The following LTBR variants were observed in gnomAD, a reference collection of about 807,000 sequenced individuals.
LTBR encodes the protein tumor necrosis factor receptor superfamily member 3.
Under a neutral mutation model 45.4 loss-of-function variants are expected in LTBR, and 15 were observed. That is an observed-to-expected ratio of 0.33 (90% CI 0.22 to 0.51). LTBR has a LOEUF of 0.51. Among genes scored for constraint, LTBR ranks in the 20% least tolerant of loss-of-function variants. The probability of loss-of-function intolerance (pLI) is 0.97; values close to 1 mark genes in which losing one functional copy is unlikely to be tolerated. For missense variants in LTBR, 450 were observed against 565.5 expected, an observed-to-expected ratio of 0.80 and a Z score of 2.07; for synonymous variants, 228 against 231.0, an observed-to-expected ratio of 0.99 and a Z score of 0.12.
rs3075360 is a variant in LTBR, at chr12:6,386,604, TACACACACACACAC to T, written c.667+179_667+192del. 8 of 546,540 alleles carry T rather than the reference TACACACACACACAC, an allele frequency of 1.5e-5. No individual in the cohort carries two copies. Among genetic ancestry groups the T allele is most frequent in the Non-Finnish European group, 2.3e-5 (7 of 302,818 alleles). The allele number at this position is 546,540 out of a possible 1,614,324, so 33.9% of individuals were successfully genotyped here. A position where few individuals can be genotyped will look rare whatever the true frequency, so the allele number is the denominator to read the frequency against. Reference sequence around the variant, plus strand: ...AAATTGGAGTATCTCTAGGCTAGTTTACACACACACACACACACACACACACACACACTTTTAAA... The same window carrying T: ...AAATTGGAGTATCTCTAGGCTAGTTTACACACACACACACACACTTTTAAA... On this transcript the variant is annotated intron_variant, in intron 6 of 9. Coordinates refer to ENST00000228918, the MANE Select transcript of LTBR (RefSeq NM_002342.3). This position sits in a 1 kb window ranked among gnomAD's most constrained non-coding sequence, Gnocchi z 4.1.
chr12:6,378,333 G>T (rs1354677835), intron 1 of LTBR, among the ~76,000 whole-genome samples: 1 of 151,992 alleles, frequency 6.6e-6, no homozygotes, highest in Non-Finnish European at 1.5e-5. Context: ...TATCCTCTAG[G>T]CTGGAGTACA....
At position 6,384,214 on chromosome 12, in the gene LTBR, C is replaced by T. The variant is rs2136926624; in HGVS notation, c.-145C>T. ...GAGCCCTGGAGGCCCGGCCTGGCCG[C>T]TCCCGGCCCTGGGGTGCACATCGGC... On this transcript the variant is annotated 5_prime_UTR_variant, in exon 1 of 10. Transcript: ENST00000228918. 1.5e-6 allele frequency: 2 copies of T among 1,322,034 alleles called. No homozygotes were observed. The highest frequency in any genetic ancestry group is 2.8e-4 in the Middle Eastern group (1 of 3,524). The allele number at this position is 1,322,034 out of a possible 1,614,324, so 81.9% of individuals were successfully genotyped here.
chr12:6,384,256 G>C lies in LTBR; in HGVS notation c.-103G>C. ...CACATCGGCCCTGAGTCCCGTCCCA[G>C]GCTCTGGGCTCGGGCAGCCGCCGCC... is the stretch of plus-strand genomic sequence containing the variant. On this transcript the variant is annotated 5_prime_UTR_variant, in exon 1 of 10. Transcript: ENST00000228918. 2 of 1,412,448 alleles carry C rather than the reference G, an allele frequency of 1.4e-6. No individual in the cohort carries two copies. The highest frequency in any genetic ancestry group is 1.8e-6 in the Non-Finnish European group (2 of 1,088,756). 87.5% of individuals were successfully genotyped at this position (1,412,448 alleles called of 1,614,324 possible).
chr12:6,390,503 C>T (rs1949100851), intron 9 of LTBR, among the ~76,000 whole-genome samples, 157 bp from the exon 10 acceptor site: 1 of 151,908 alleles, frequency 6.6e-6, no homozygotes, highest in Admixed American at 6.6e-5. Context: ...ACTGGAAAAC[C>T]CAGAAGCAGA....
chr12:6,385,435 A>C, intron 4 of LTBR, 56 bp downstream of exon 4: 119 of 1,592,218 alleles, frequency 7.5e-5, no homozygotes, highest in Middle Eastern at 1.8e-4. Flanking sequence ...CAGGGATCTC[A>C]AGTGGGAGCA....
chr12:6,379,699 G>C (rs1230870811), upstream of LTBR, among the ~76,000 whole-genome samples: 1 of 152,140 alleles, frequency 6.6e-6, no homozygotes, highest in Non-Finnish European at 1.5e-5. Context: ...GGGAGGCCGA[G>C]GCGGGTGGAT....
chr12:6,378,213 A>G (rs1396740233), intron 1 of LTBR, among the ~76,000 whole-genome samples: 3 of 119,926 alleles, frequency 2.5e-5, no homozygotes, highest in Non-Finnish European at 5.0e-5. Flanking sequence ...ATTTTTAAAA[A>G]ACAAAATATA....
At chr12:6,385,981 T>C in intron 4 of LTBR, 85 bp from the exon 5 acceptor site, 2 of 889,900 alleles carry the variant, frequency 2.2e-6, no homozygotes, top group South Asian at 2.7e-5. Flanking sequence ...ATGGGCATCC[T>C]GAGGCTTAAA....
At chr12:6,379,806 G>A (rs1285563680), upstream of LTBR, among the ~76,000 whole-genome samples, 5 of 151,884 alleles carry the variant, frequency 3.3e-5, no homozygotes, top group Non-Finnish European at 5.9e-5. Context: ...AGTGGTGCAC[G>A]CCTGTAGTCC....
intron 8 of LTBR, chr12:6,389,787 A>T (rs140412138): frequency 1.5e-3 from 302 of 205,972 alleles, no homozygotes; most frequent in South Asian, 3.6e-3. Flanking sequence ...TGGGTGACAG[A>T]GTGAGACTCT....
intron 1 of LTBR, chr12:6,376,309 C>T (rs1948908030): frequency 1.1e-5 from 4 of 377,108 alleles, no homozygotes; most frequent in Non-Finnish European, 1.5e-5. Flanking sequence ...GGGGGCTAGG[C>T]GGGGCCCTAG....
upstream of LTBR, chr12:6,375,252 T>G (rs1175753117): frequency 7.0e-7 from 1 of 1,437,052 alleles, no homozygotes; most frequent in African/African-American, 1.4e-5. Context: ...GCTCTCCTCT[T>G]TCTGGCCTGC....
chr12:6,381,198 C>G (rs780866960), upstream of LTBR, among the ~76,000 whole-genome samples: 103 of 152,174 alleles, frequency 6.8e-4, no homozygotes, highest in Non-Finnish European at 1.2e-3. Flanking sequence ...CAGCTACCAT[C>G]TCTAGGCCTG....
In LTBR at chr12:6,384,229, T is replaced by G; in HGVS notation, c.-130T>G. Reference sequence around the variant, plus strand: ...GGCCTGGCCGCTCCCGGCCCTGGGGTGCACATCGGCCCTGAGTCCCGTCCC... The same window carrying G: ...GGCCTGGCCGCTCCCGGCCCTGGGGGGCACATCGGCCCTGAGTCCCGTCCC... On this transcript the variant is annotated 5_prime_UTR_variant, in exon 1 of 10. Coordinates refer to ENST00000228918, the MANE Select transcript of LTBR (RefSeq NM_002342.3). The G allele has an allele frequency of 7.4e-7, 1 of 1,360,228 alleles. No homozygotes were observed. The highest frequency in any genetic ancestry group is 9.4e-7 in the Non-Finnish European group (1 of 1,061,622). The allele number at this position is 1,360,228 out of a possible 1,614,324, so 84.3% of individuals were successfully genotyped here.
rs547084894 is a variant in LTBR at position 6,391,506 on chromosome 12, G to T, written c.*569G>T. 2 of 152,286 alleles carry T rather than the reference G, an allele frequency of 1.3e-5. No individual in the cohort carries two copies. Among genetic ancestry groups the T allele is most frequent in the South Asian group, 4.1e-4 (2 of 4,828 alleles). 9.4% of individuals were successfully genotyped at this position (152,286 alleles called of 1,614,324 possible). On this transcript the variant is annotated 3_prime_UTR_variant, in exon 10 of 10. Coordinates refer to ENST00000228918, the MANE Select transcript of LTBR (RefSeq NM_002342.3). ...AGGTATGGGGAAGAGTTTTGGAAGGGGAGGAAAATGGCAAGTGTATTTATA... is the reference window on the plus strand; with the variant it reads ...AGGTATGGGGAAGAGTTTTGGAAGGTGAGGAAAATGGCAAGTGTATTTATA...
chr12:6,386,321 G>A lies in LTBR; in HGVS notation c.570-26G>A, dbSNP rs1462934939. 1 of 1,601,504 alleles carries A rather than the reference G, an allele frequency of 6.2e-7. No homozygotes were observed. The highest frequency in any genetic ancestry group is 8.6e-7 in the Non-Finnish European group (1 of 1,169,076). ...ACACTGGTGGGCCAGGGCGTGAAAA[G>A]GTCATCATCTTTTTTTCCTCTGCAG... On this transcript the variant is annotated intron_variant, in intron 5 of 9. Transcript: ENST00000228918. This position sits in a 1 kb window ranked among gnomAD's most constrained non-coding sequence, Gnocchi z 4.1.
At chr12:6,375,233 G>A (rs538478699), upstream of LTBR, 23 of 1,441,270 alleles carry the variant, frequency 1.6e-5, no homozygotes, top group Admixed American at 3.9e-4. Context: ...TTCTCTTTGG[G>A]TCTCTCCTGC....
rs760064775 is a variant in LTBR at position 6,386,336 on chromosome 12, T to C, written c.570-11T>C. On this transcript the variant is annotated splice_polypyrimidine_tract_variant and intron_variant, in intron 5 of 9. Coordinates refer to ENST00000228918, the MANE Select transcript of LTBR (RefSeq NM_002342.3). This position sits in a 1 kb window ranked among gnomAD's most constrained non-coding sequence, Gnocchi z 4.1. ...GGCGTGAAAAGGTCATCATCTTTTT[T>C]TCCTCTGCAGGTGTGAGAACCAAGG... is the stretch of plus-strand genomic sequence containing the variant. 6.2e-7 allele frequency: 1 copy of C among 1,610,966 alleles called. No homozygotes were observed. The highest frequency in any genetic ancestry group is 1.1e-5 in the South Asian group (1 of 90,964).
rs772088219 is a variant in LTBR at position 6,386,302 on chromosome 12, G to A, written c.570-45G>A. The stretch of plus-strand genomic sequence containing the variant: ...CCTGCCCAGTGGAGTCGGGACACTG[G>A]TGGGCCAGGGCGTGAAAAGGTCATC... On this transcript the variant is annotated intron_variant, in intron 5 of 9. Transcript: ENST00000228918. The surrounding 1 kb of genome is among the most constrained non-coding windows in gnomAD (Gnocchi z 4.1). The A allele has an allele frequency of 6.4e-7, 1 of 1,567,896 alleles. No homozygotes were observed. Among genetic ancestry groups the A allele is most frequent in the Non-Finnish European group, 8.8e-7 (1 of 1,139,522 alleles).
Sources: allele counts gnomAD v4.1 joint callset (sites outside exome capture counted in the v4.1 genomes callset), GRCh38; gene constraint gnomAD v4.1.1; non-coding constraint Gnocchi (gnomAD v3.1); transcripts MANE v1.5; gene names NCBI Gene and HGNC (gene_info 2026-07-23, HGNC 2026-07-21).